ARHGAP33: variants seen among roughly 807,000 people sequenced by gnomAD.
ARHGAP33 encodes the protein rho GTPase-activating protein 33.
In ARHGAP33, 57 loss-of-function variants were observed where a neutral mutation model predicts 126.2. The observed-to-expected ratio is 0.45, with a 90% CI of 0.36 to 0.56. The LOEUF (loss-of-function observed/expected upper bound fraction) is 0.56, where lower values mean the gene tolerates loss of function less well. Among genes scored for constraint, ARHGAP33 ranks in the 20% least tolerant of loss-of-function variants. The pLI is 0.00. For synonymous variants in ARHGAP33, 711 were observed against 755.0 expected (o/e 0.94, Z 0.95); for missense variants, 1,500 against 1,748.3 (o/e 0.86, Z 2.53).
chr19:35,781,270 AC>A lies in ARHGAP33; in HGVS notation c.1085+21del, dbSNP rs1971760425. 16 of 1,612,684 alleles carry A rather than the reference AC, an allele frequency of 9.9e-6. No individual in the cohort carries two copies. The highest frequency in any genetic ancestry group is 1.6e-4 in the Middle Eastern group (1 of 6,066). ...AGGCTTCGGTGAGGGCCCTTAGCCA[AC>A]CCTGTCCTTCCACAGGCACTCACCC... On this transcript the variant is annotated intron_variant, in intron 12 of 20. Coordinates refer to ENST00000007510, the MANE Select transcript of ARHGAP33 (RefSeq NM_001366178.1).
At chr19:35,780,098 C>A in intron 6 of ARHGAP33, 113 bp from the exon 7 acceptor site, 1 of 1,420,238 alleles carries the variant, frequency 7.0e-7, no homozygotes, top group Non-Finnish European at 9.7e-7. Flanking sequence ...CTCTGAGTGA[C>A]AGGGGCTCTT....
intron 16 of ARHGAP33, 97 bp from the exon 17 acceptor site, chr19:35,784,856 A>C: frequency 7.9e-7 from 1 of 1,258,232 alleles, no homozygotes; most frequent in Non-Finnish European, 1.0e-6. Context: ...CCGGGTGGGC[A>C]TGCTGCGGGG....
At chr19:35,781,934 G>C (rs985839600) in intron 12 of ARHGAP33, among the ~76,000 whole-genome samples, 6 of 151,528 alleles carry the variant, frequency 4.0e-5, no homozygotes, top group African/African-American at 1.5e-4. Flanking sequence ...CCTGCAGGGG[G>C]GTGGCCAAGA....
rs150394522 is a variant in ARHGAP33 at position 35,787,380 on chromosome 19, G to T, written c.2815G>T (p.Val939Leu). 3 of 1,609,856 alleles carry T rather than the reference G, an allele frequency of 1.9e-6. No individual in the cohort carries two copies. The highest frequency in any genetic ancestry group is 2.5e-6 in the Non-Finnish European group (3 of 1,177,834). Reference sequence around the variant, plus strand: ...CTTCCACCGCTCGCTGTCTCTGGAGGTGGGCGGGGAGCCCCTGGGGACCTC... The same window carrying T: ...CTTCCACCGCTCGCTGTCTCTGGAGTTGGGCGGGGAGCCCCTGGGGACCTC... ...SPFHRSLSLE[V>L]GGEPLGTSGS... The change falls in exon 21 of 21, where the codon GTG (valine) becomes TTG (leucine). Residue 939 changes from valine to leucine, a missense_variant. This residue lies in a region of ARHGAP33 where 642 missense variants were observed against 634.0 expected (regional missense o/e 1.01). Coordinates refer to ENST00000007510, the MANE Select transcript of ARHGAP33 (RefSeq NM_001366178.1).
At position 35,786,717 on chromosome 19, in the gene ARHGAP33, C is replaced by T. The variant is rs1334106871; in HGVS notation, c.2247C>T (p.Ser749=). 1.3e-6 allele frequency: 2 copies of T among 1,533,806 alleles called. No homozygotes were observed. The highest frequency in any genetic ancestry group is 1.7e-6 in the Non-Finnish European group (2 of 1,145,818). ...DFDPLTFRCS[S]PTPGDPAPPA... Reference sequence around the variant, plus strand: ...ATCCCTTAACCTTCCGCTGCAGCAGCCCCACCCCAGGGGATCCCGCACCTC... The same window carrying T: ...ATCCCTTAACCTTCCGCTGCAGCAGTCCCACCCCAGGGGATCCCGCACCTC... Residue 749 remains serine, a synonymous_variant, in exon 20 of 21, where the codon AGC becomes AGT. Coordinates refer to ENST00000007510, the MANE Select transcript of ARHGAP33 (RefSeq NM_001366178.1). This position sits in a 1 kb window ranked among gnomAD's most constrained non-coding sequence, Gnocchi z 7.0.
Position 35,777,811 on chromosome 19 carries a change from C to T in ARHGAP33, c.105-13C>T, listed in dbSNP as rs1283249435. ...CTCAAGGAGCTGCTGGTGACGCATC[C>T]CCTGTCTCCCAGGCTCTCAGCTCCT... On this transcript the variant is annotated splice_polypyrimidine_tract_variant and intron_variant, in intron 2 of 20. Coordinates refer to ENST00000007510, the MANE Select transcript of ARHGAP33 (RefSeq NM_001366178.1). 1.2e-6 allele frequency: 2 copies of T among 1,614,080 alleles called. No individual in the cohort carries two copies. Among genetic ancestry groups the T allele is most frequent in the South Asian group, 2.2e-5 (2 of 91,082 alleles).
At chr19:35,779,954 G>A (rs1481173226) in intron 6 of ARHGAP33, 1 of 594,932 alleles carries the variant, frequency 1.7e-6, no homozygotes, top group Non-Finnish European at 3.2e-6. Context: ...GCCTTCAGGT[G>A]GGGAAGCCTT....
Position 35,782,319 on chromosome 19 carries a change from G to T in ARHGAP33, c.1086-54G>T. On this transcript the variant is annotated intron_variant, in intron 12 of 20. Transcript: ENST00000007510. The surrounding 1 kb of genome is among the most constrained non-coding windows in gnomAD (Gnocchi z 4.1). ...GTAGGGGCAAGGGGAGCATGGCCAC[G>T]TGAGCGAGCCCCTCTGACCTGGATC... 1 of 1,566,326 alleles carries T rather than the reference G, an allele frequency of 6.4e-7. No individual in the cohort carries two copies. The highest frequency in any genetic ancestry group is 8.7e-7 in the Non-Finnish European group (1 of 1,149,208).
chr19:35,787,810 G>A lies in ARHGAP33; in HGVS notation c.3245G>A (p.Gly1082Glu). ...GGCCCCCCTGCACCACTCGACAGGGGAGAGAACCTGTACTATGAGATCGGG... is the reference window on the plus strand; with the variant it reads ...GGCCCCCCTGCACCACTCGACAGGGAAGAGAACCTGTACTATGAGATCGGG... ...SLGPPAPLDR[G>E]ENLYYEIGAS... The change falls in exon 21 of 21, where the codon GGA becomes GAA. Residue 1082 changes from glycine (G) to glutamate (E), a missense_variant. Physicochemically the swap from Gly to Glu is moderately conservative, Grantham distance 98. Coordinates refer to ENST00000007510, the MANE Select transcript of ARHGAP33 (RefSeq NM_001366178.1). 1.2e-6 allele frequency: 2 copies of A among 1,601,260 alleles called. No individual in the cohort carries two copies. Among genetic ancestry groups the A allele is most frequent in the African/African-American group, 2.7e-5 (2 of 74,248 alleles).
chr19:35,786,165 G>T lies in ARHGAP33; in HGVS notation c.1943-248G>T. On this transcript the variant is annotated intron_variant, in intron 19 of 20. Transcript: ENST00000007510. The surrounding 1 kb of genome is among the most constrained non-coding windows in gnomAD (Gnocchi z 7.0). Reference sequence around the variant, plus strand: ...TACCCAGGAGCCCAGGTGCTGTCCTGCTGGCTCAGCAGCTGTATGTGAATC... The same window carrying T: ...TACCCAGGAGCCCAGGTGCTGTCCTTCTGGCTCAGCAGCTGTATGTGAATC... 1 of 1,379,740 alleles carries T rather than the reference G, an allele frequency of 7.2e-7. No homozygotes were observed. The highest frequency in any genetic ancestry group is 1.8e-5 in the South Asian group (1 of 55,784). 85.5% of individuals were successfully genotyped at this position (1,379,740 alleles called of 1,614,324 possible). A position where few individuals can be genotyped will look rare whatever the true frequency, so the allele number is the denominator to read the frequency against.
Position 35,785,473 on chromosome 19 carries a change from C to T in ARHGAP33, c.1932C>T (p.Ala644=), listed in dbSNP as rs1378725382. 5.6e-6 allele frequency: 9 copies of T among 1,614,072 alleles called. No homozygotes were observed. Among genetic ancestry groups the T allele is most frequent in the Non-Finnish European group, 7.6e-6 (9 of 1,180,026 alleles). ...AKSEESLSSQ[A]SGAGLQRLHR... is the part of the protein sequence containing the mutation. ...GCGAGGAGTCTCTGTCATCGCAGGC[C>T]AGCGGGGCTGGTGAGCAAGGCGGGC... The change falls in exon 19 of 21, where the codon GCC becomes GCT. Residue 644 remains alanine (A), a synonymous_variant. Transcript: ENST00000007510.
intron 3 of ARHGAP33, 26 bp from the exon 4 acceptor site, chr19:35,778,253 CA>C: frequency 6.2e-7 from 1 of 1,613,448 alleles, no homozygotes; most frequent in Non-Finnish European, 8.5e-7. Context: ...GACAAAAGTC[CA>C]CCTGGGCCTT....
chr19:35,775,599 G>C lies in ARHGAP33; in HGVS notation c.-60G>C, dbSNP rs1971410337. 2.7e-6 allele frequency: 4 copies of C among 1,479,716 alleles called. No individual in the cohort carries two copies. In the East Asian group the frequency reaches 1.2e-4, roughly 44 times the overall value. The allele number at this position is 1,479,716 out of a possible 1,614,324, so 91.7% of individuals were successfully genotyped here. A position where few individuals can be genotyped will look rare whatever the true frequency, so the allele number is the denominator to read the frequency against. On this transcript the variant is annotated 5_prime_UTR_variant, in exon 1 of 21. Coordinates refer to ENST00000007510, the MANE Select transcript of ARHGAP33 (RefSeq NM_001366178.1). Reference sequence around the variant, plus strand: ...TTGTGTCGCCATGGCGGCGGCAGCGGCGACGAGAACGGCGAGCGAGGGGTC... The same window carrying C: ...TTGTGTCGCCATGGCGGCGGCAGCGCCGACGAGAACGGCGAGCGAGGGGTC...
intron 6 of ARHGAP33, 58 bp from the exon 7 acceptor site, chr19:35,780,153 A>G (rs1971678670): frequency 3.8e-6 from 6 of 1,595,570 alleles, no homozygotes; most frequent in East Asian, 4.5e-5. Flanking sequence ...GGAGCTTGGT[A>G]TGCCTGCACT....
intron 15 of ARHGAP33, among the ~76,000 whole-genome samples, chr19:35,783,607 G>A (rs939314318): frequency 6.6e-6 from 1 of 152,144 alleles, no homozygotes; most frequent in African/African-American, 2.4e-5. Flanking sequence ...CGGTGTGGCT[G>A]GAGCTGAGTG....
Position 35,788,127 on chromosome 19 carries a change from T to C in ARHGAP33, c.3562T>C (p.Ser1188Pro). The C allele has an allele frequency of 6.2e-7, 1 of 1,607,418 alleles. No individual in the cohort carries two copies. Among genetic ancestry groups the C allele is most frequent in the Non-Finnish European group, 8.5e-7 (1 of 1,177,424 alleles). ...CTCACCTGCCTCTTCCTCCTCCTCTTCCCCTCCTGCCCACCCCCGAAGCCG... is the reference window on the plus strand; with the variant it reads ...CTCACCTGCCTCTTCCTCCTCCTCTCCCCCTCCTGCCCACCCCCGAAGCCG... ...GPSPASSSSSSPPAHPRSRSD... is the reference protein window; with the variant it reads ...GPSPASSSSSPPPAHPRSRSD... The change falls in exon 21 of 21, where the codon TCC (serine) becomes CCC (proline). Residue 1188 changes from serine to proline, a missense_variant. Coordinates refer to ENST00000007510, the MANE Select transcript of ARHGAP33 (RefSeq NM_001366178.1).
In ARHGAP33 at chr19:35,781,015, C is replaced by T. The variant is rs946980940; in HGVS notation, c.925C>T (p.Arg309Ter). ...RQRLRQRGIL[R>*]QRVFGCDLGE... Reference sequence around the variant, plus strand: ...GCGGCTGCGGCAGCGGGGAATCCTGCGACAGAGGGTGTTTGGCTGCGATCT... The same window carrying T: ...GCGGCTGCGGCAGCGGGGAATCCTGTGACAGAGGGTGTTTGGCTGCGATCT... The change falls in exon 11 of 21, where the codon CGA (arginine) becomes TGA (stop). Residue 309 changes from arginine (R) to a stop codon, truncating the protein, a stop_gained. Transcript: ENST00000007510. LOFTEE classifies it high-confidence loss of function. 4 of 1,612,010 alleles carry T rather than the reference C, an allele frequency of 2.5e-6. No individual in the cohort carries two copies. The highest frequency in any genetic ancestry group is 1.6e-4 in the Middle Eastern group (1 of 6,084).
At position 35,780,533 on chromosome 19, in the gene ARHGAP33, G is replaced by T. The variant is rs550200730; in HGVS notation, c.702+35G>T. 5.2e-5 allele frequency: 84 copies of T among 1,612,330 alleles called. No individual in the cohort carries two copies. The East Asian group carries it at 1.5e-3, about 29-fold the overall frequency. ...GCTGGGCGCGGACAGGTGGGGCTGGGGTACCTGCCAACTGGGGTGGCCCAG... is the reference window on the plus strand; with the variant it reads ...GCTGGGCGCGGACAGGTGGGGCTGGTGTACCTGCCAACTGGGGTGGCCCAG... On this transcript the variant is annotated intron_variant, in intron 8 of 20. Transcript: ENST00000007510.
Position 35,784,198 on chromosome 19 carries a change from T to C in ARHGAP33, c.1448T>C (p.Met483Thr). The C allele has an allele frequency of 6.2e-7, 1 of 1,611,690 alleles. No individual in the cohort carries two copies. The highest frequency in any genetic ancestry group is 8.5e-7 in the Non-Finnish European group (1 of 1,178,678). The change falls in exon 16 of 21, where the codon ATG becomes ACG. Residue 483 changes from methionine to threonine, a missense_variant. Met to Thr is a moderately conservative substitution (Grantham distance 81). Coordinates refer to ENST00000007510, the MANE Select transcript of ARHGAP33 (RefSeq NM_001366178.1). ...TCCATGGAGCTGGAGTCAGTGGGAATGGGTGGCGCGGCGGCGTTCCGGGAA... is the reference window on the plus strand; with the variant it reads ...TCCATGGAGCTGGAGTCAGTGGGAACGGGTGGCGCGGCGGCGTTCCGGGAA... ...LRSMELESVG[M>T]GGAAAFREVR... is the part of the protein sequence containing the mutation.
Sources: allele counts gnomAD v4.1 joint callset (sites outside exome capture counted in the v4.1 genomes callset), GRCh38; gene constraint gnomAD v4.1.1; regional missense constraint gnomAD v4.1.1; non-coding constraint Gnocchi (gnomAD v3.1); transcripts MANE v1.5; gene names NCBI Gene and HGNC (gene_info 2026-07-23, HGNC 2026-07-21).